The following KLF13 variants were observed in gnomAD, a reference collection of about 807,000 sequenced individuals.
KLF13 encodes KLF transcription factor 13.
KLF13 carries 8 observed loss-of-function variants against 16.7 expected under a neutral mutation model. The ratio of observed to expected loss-of-function variants is 0.48; its 90% CI spans 0.28 to 0.87. KLF13 has a LOEUF of 0.87. Among genes scored for constraint, KLF13 ranks in the 40% least tolerant of loss-of-function variants. The probability of loss-of-function intolerance (pLI) is 0.10; values close to 1 mark genes in which losing one functional copy is unlikely to be tolerated. For synonymous variants in KLF13, 245 were observed against 208.4 expected, an observed-to-expected ratio of 1.18 and a Z score of -1.51; for missense variants, 447 against 452.2, an observed-to-expected ratio of 0.99 and a Z score of 0.10.
chr15:31,431,861 C>T (rs2040476264), intron 1 of KLF13, among the ~76,000 whole-genome samples: 1 of 152,166 alleles, frequency 6.6e-6, no homozygotes, highest in African/African-American at 2.4e-5. Context: ...CGAAGACTTG[C>T]GGATGCGACC....
downstream of KLF13, among the ~76,000 whole-genome samples, chr15:31,378,325 ACT>A (rs2039682031): frequency 6.7e-6 from 1 of 150,330 alleles, no homozygotes; most frequent in Admixed American, 6.6e-5. Context: ...AGTCTAGAAA[ACT>A]CCCCTGTTTC....
At chr15:31,357,580 G>A (rs2039319376) in intron 1 of KLF13, among the ~76,000 whole-genome samples, 1 of 152,200 alleles carries the variant, frequency 6.6e-6, no homozygotes, top group African/African-American at 2.4e-5. Flanking sequence ...AAGCTGGGAG[G>A]CAGCACTCTG....
At chr15:31,415,194 T>C (rs1458680011) in intron 1 of KLF13, among the ~76,000 whole-genome samples, 1 of 152,186 alleles carries the variant, frequency 6.6e-6, no homozygotes, top group Non-Finnish European at 1.5e-5. Context: ...CAGAAGTAGA[T>C]GTTGGTACCA....
intron 1 of KLF13, among the ~76,000 whole-genome samples, chr15:31,342,264 C>T (rs867224042): frequency 6.6e-5 from 10 of 152,086 alleles, no homozygotes; most frequent in Non-Finnish European, 1.5e-4. Flanking sequence ...CTAGTCCTGC[C>T]GAGTGACCCC....
intron 1 of KLF13, among the ~76,000 whole-genome samples, chr15:31,351,799 C>G (rs1175140653): frequency 6.6e-6 from 1 of 152,088 alleles, no homozygotes; most frequent in Non-Finnish European, 1.5e-5. Flanking sequence ...ATCTTGAGGT[C>G]AGGAGTTCAA....
chr15:31,413,198 A>AAAC (rs1555382470), intron 1 of KLF13, among the ~76,000 whole-genome samples: 1 of 147,242 alleles, frequency 6.8e-6, no homozygotes, highest in African/African-American at 2.5e-5. Flanking sequence ...AAAAAAAAAA[A>AAAC]AAAACAAAAA....
intron 1 of KLF13, among the ~76,000 whole-genome samples, chr15:31,338,705 GCTC>G (rs2140936962): frequency 1.3e-5 from 2 of 152,188 alleles, no homozygotes; most frequent in East Asian, 3.9e-4. Flanking sequence ...TGGTCTCTCT[GCTC>G]CTCCTCTGCA....
At chr15:31,356,175 C>T (rs1337323290) in intron 1 of KLF13, among the ~76,000 whole-genome samples, 1 of 152,172 alleles carries the variant, frequency 6.6e-6, no homozygotes, top group South Asian at 2.1e-4. Context: ...GTCTTTCACC[C>T]TCCTCCCTCC....
intron 1 of KLF13, among the ~76,000 whole-genome samples, chr15:31,424,051 A>G (rs1459430821): frequency 6.6e-6 from 1 of 152,208 alleles, no homozygotes; most frequent in Non-Finnish European, 1.5e-5. Flanking sequence ...GAAATAAAAA[A>G]TCTGAACAGA....
chr15:31,379,074 C>A (rs2039691879), downstream of KLF13, among the ~76,000 whole-genome samples: 1 of 152,156 alleles, frequency 6.6e-6, no homozygotes, highest in Non-Finnish European at 1.5e-5. Context: ...TGAAGTGTTA[C>A]TAACAAATAC....
At chr15:31,351,429 T>A (rs1278552982) in intron 1 of KLF13, among the ~76,000 whole-genome samples, 1 of 151,770 alleles carries the variant, frequency 6.6e-6, no homozygotes, top group Non-Finnish European at 1.5e-5. Flanking sequence ...AACATCCTGT[T>A]AGGCTCATAA....
intron 1 of KLF13, among the ~76,000 whole-genome samples, chr15:31,371,517 A>ACCCT (rs2039554423): frequency 1.3e-5 from 2 of 152,210 alleles, no homozygotes; most frequent in Non-Finnish European, 2.9e-5. Context: ...GACAGACTAG[A>ACCCT]CTGAGGAGGG....
upstream of KLF13, among the ~76,000 whole-genome samples, chr15:31,392,061 C>G (rs1378103952): frequency 6.6e-5 from 10 of 151,970 alleles, no homozygotes; most frequent in Non-Finnish European, 1.0e-4. Flanking sequence ...CGCCAGCTGC[C>G]CACTCGCCCC....
At chr15:31,426,667 A>G (rs957689237) in intron 1 of KLF13, among the ~76,000 whole-genome samples, 3 of 152,222 alleles carry the variant, frequency 2.0e-5, no homozygotes, top group Admixed American at 1.3e-4. Context: ...ACATTTCTCC[A>G]AATAAAATAT....
At chr15:31,421,785 T>C (rs1431461662) in intron 1 of KLF13, among the ~76,000 whole-genome samples, 2 of 152,124 alleles carry the variant, frequency 1.3e-5, no homozygotes, top group African/African-American at 4.8e-5. Flanking sequence ...GTATGTCCTT[T>C]CCTGTCAGTA....
chr15:31,413,235 C>T (rs961232114), intron 1 of KLF13, among the ~76,000 whole-genome samples: 3 of 145,076 alleles, frequency 2.1e-5, no homozygotes, highest in Non-Finnish European at 3.0e-5. Flanking sequence ...CAGAGATATG[C>T]GGGACACCAT....
At position 31,340,698 on chromosome 15, in the gene KLF13, A is replaced by G. The variant is rs556341988; in HGVS notation, c.577+12909A>G. The stretch of plus-strand genomic sequence containing the variant: ...TGCTTGAGCCCAGAAGTTCGAGACC[A>G]GCTTGGGCAACATAGTGAGACTCCA... On this transcript the variant is annotated intron_variant, in intron 1 of 1. Coordinates refer to ENST00000307145, the MANE Select transcript of KLF13 (RefSeq NM_015995.4). Among the ~76,000 whole-genome samples the G allele has an allele frequency of 1.1e-4, 17 of 152,234 alleles. No homozygotes were observed. In the South Asian group the frequency reaches 3.5e-3, roughly 32 times the overall value.
At chr15:31,432,418 T>G (rs2040484155) in intron 1 of KLF13, among the ~76,000 whole-genome samples, 1 of 144,256 alleles carries the variant, frequency 6.9e-6, no homozygotes, top group Non-Finnish European at 1.5e-5. Context: ...ATTCCTCCCT[T>G]TTCTTGCTTT....
At chr15:31,416,224 T>C (rs911848934) in intron 1 of KLF13, among the ~76,000 whole-genome samples, 1 of 152,110 alleles carries the variant, frequency 6.6e-6, no homozygotes, top group Non-Finnish European at 1.5e-5. Flanking sequence ...CACTGAATTC[T>C]ACCAAGCATT....
Sources: gnomAD v4.1 joint callset for allele counts (sites outside exome capture counted in the v4.1 genomes callset) on GRCh38, gnomAD v4.1.1 for gene constraint, MANE v1.5 for transcripts, NCBI Gene and HGNC (gene_info 2026-07-23, HGNC 2026-07-21) for gene names.